The following B3GALT1 variants were observed in gnomAD, a reference collection of about 807,000 sequenced individuals.
The protein encoded by B3GALT1 is beta-1,3-galactosyltransferase 1.
Under a neutral mutation model 23.2 loss-of-function variants are expected in B3GALT1, and 10 were observed. The ratio of observed to expected loss-of-function variants is 0.43; its 90% CI spans 0.27 to 0.73. B3GALT1 has a LOEUF of 0.73. Ranked by LOEUF, B3GALT1 falls within the 30% of genes least tolerant of loss-of-function variation. The probability of loss-of-function intolerance (pLI) is 0.21; values close to 1 mark genes in which losing one functional copy is unlikely to be tolerated. For missense variants in B3GALT1, 299 were observed against 405.4 expected, an observed-to-expected ratio of 0.74 and a Z score of 2.25; for synonymous variants, 156 against 141.5, an observed-to-expected ratio of 1.10 and a Z score of -0.73.
chr2:167,348,885 CTATTA>C (rs960304385), intron 1 of B3GALT1, among the ~76,000 whole-genome samples: 4 of 151,968 alleles, frequency 2.6e-5, no homozygotes, highest in South Asian at 2.1e-4. Context: ...CTTATCTTTT[CTATTA>C]TATTATAGTA....
At chr2:167,819,478 A>G (rs1170411532) in intron 4 of B3GALT1, among the ~76,000 whole-genome samples, 2 of 152,238 alleles carry the variant, frequency 1.3e-5, no homozygotes. Flanking sequence ...ATGGCACATT[A>G]AATAAATAAA....
chr2:167,794,598 T>C (rs1327462936), intron 3 of B3GALT1, among the ~76,000 whole-genome samples: 2 of 152,218 alleles, frequency 1.3e-5, no homozygotes, highest in Non-Finnish European at 2.9e-5. Flanking sequence ...ATACCCGTTA[T>C]TTTCCTCAAC....
intron 4 of B3GALT1, among the ~76,000 whole-genome samples, chr2:167,860,132 G>T (rs1377274862): frequency 6.6e-6 from 1 of 152,130 alleles, no homozygotes; most frequent in Non-Finnish European, 1.5e-5. Flanking sequence ...AGAATCTCTG[G>T]CCCTTGGGGC....
intron 2 of B3GALT1, among the ~76,000 whole-genome samples, chr2:167,524,767 C>T (rs1574118614): frequency 6.6e-6 from 1 of 152,180 alleles, no homozygotes; most frequent in South Asian, 2.1e-4. Context: ...AGAGAGAAAG[C>T]TCACAAGTAT....
chr2:167,504,358 T>C (rs902810943), intron 2 of B3GALT1, among the ~76,000 whole-genome samples: 1 of 152,168 alleles, frequency 6.6e-6, no homozygotes, highest in Admixed American at 6.5e-5. Context: ...GATTACATAG[T>C]GTATGCAATT....
At position 167,598,931 on chromosome 2, in the gene B3GALT1, CTCTT is replaced by C. The variant is rs879718180; in HGVS notation, c.-409-47972_-409-47969del. On this transcript the variant is annotated intron_variant, in intron 2 of 4. Coordinates refer to ENST00000392690, the MANE Select transcript of B3GALT1 (RefSeq NM_020981.4). Reference sequence around the variant, plus strand: ...CTTTCTTTACTATTTTCATTCTATTCTCTTTCTTTATCTTTTAGACTGTCCAGTA... The same window carrying C: ...CTTTCTTTACTATTTTCATTCTATTCTCTTTATCTTTTAGACTGTCCAGTA... Among the ~76,000 whole-genome samples, 20 of 152,260 alleles carry C rather than the reference CTCTT, an allele frequency of 1.3e-4. No homozygotes were observed. The East Asian group carries it at 1.5e-3, about 12-fold the overall frequency.
chr2:167,627,811 A>G (rs976988708), intron 2 of B3GALT1, among the ~76,000 whole-genome samples: 3 of 151,660 alleles, frequency 2.0e-5, no homozygotes, highest in Non-Finnish European at 3.0e-5. Context: ...TGAAAGTTCT[A>G]GTTGTTCTAC....
At chr2:167,501,241 G>C (rs1294956886) in intron 2 of B3GALT1, among the ~76,000 whole-genome samples, 1 of 152,162 alleles carries the variant, frequency 6.6e-6, no homozygotes, top group East Asian at 1.9e-4. Context: ...ATTTTTATTA[G>C]TATGATTGGG....
chr2:167,357,467 T>G (rs1402686426), intron 1 of B3GALT1, among the ~76,000 whole-genome samples: 3 of 152,128 alleles, frequency 2.0e-5, no homozygotes, highest in African/African-American at 7.2e-5. Flanking sequence ...TTGTCTTAGC[T>G]TACTCCAAAA....
At chr2:167,666,226 G>A (rs946364896) in intron 3 of B3GALT1, among the ~76,000 whole-genome samples, 4 of 152,238 alleles carry the variant, frequency 2.6e-5, no homozygotes, top group Non-Finnish European at 4.4e-5. Context: ...TCCTTCAGGT[G>A]TAGGTTGTTC....
intron 1 of B3GALT1, among the ~76,000 whole-genome samples, chr2:167,421,743 CA>C (rs1214443516): frequency 6.6e-6 from 1 of 152,058 alleles, no homozygotes; most frequent in South Asian, 2.1e-4. Flanking sequence ...AAAAAGTGGC[CA>C]AAAGATGATG....
chr2:167,690,429 T>C (rs1269426001), intron 3 of B3GALT1, among the ~76,000 whole-genome samples: 1 of 152,024 alleles, frequency 6.6e-6, no homozygotes, highest in Admixed American at 6.6e-5. Flanking sequence ...GAAAGTGAAG[T>C]AATATTTATT....
chr2:167,796,940 A>G (rs1688554910), intron 3 of B3GALT1, among the ~76,000 whole-genome samples: 1 of 152,088 alleles, frequency 6.6e-6, no homozygotes, highest in African/African-American at 2.4e-5. Context: ...CTGCAGGAAC[A>G]TTTTCTTTTC....
At chr2:167,674,256 G>A (rs986192466) in intron 3 of B3GALT1, among the ~76,000 whole-genome samples, 3 of 152,098 alleles carry the variant, frequency 2.0e-5, no homozygotes, top group Non-Finnish European at 4.4e-5. Context: ...ACCCATTAGA[G>A]TTATAAAGCA....
intron 1 of B3GALT1, among the ~76,000 whole-genome samples, chr2:167,451,997 G>A (rs1699100165): frequency 6.6e-6 from 1 of 152,132 alleles, no homozygotes; most frequent in Admixed American, 6.5e-5. Context: ...CACCTCCCAT[G>A]GAGCCCAAGA....
chr2:167,626,807 A>T (rs11883712), intron 2 of B3GALT1, among the ~76,000 whole-genome samples: 1 of 151,462 alleles, frequency 6.6e-6, no homozygotes, highest in Non-Finnish European at 1.5e-5. Flanking sequence ...TAAATATTCA[A>T]TTAAGCATCT....
At chr2:167,297,261 C>A (rs1343802353) in intron 1 of B3GALT1, among the ~76,000 whole-genome samples, 4 of 151,944 alleles carry the variant, frequency 2.6e-5, no homozygotes, top group Non-Finnish European at 1.5e-5. Flanking sequence ...AAAGTCAAAT[C>A]TACAGAACTT....
chr2:167,811,668 G>T (rs1688891826), intron 3 of B3GALT1, among the ~76,000 whole-genome samples: 1 of 147,362 alleles, frequency 6.8e-6, no homozygotes, highest in African/African-American at 2.6e-5. Flanking sequence ...ATTGATTAAG[G>T]GCAAAGGGTG....
At chr2:167,808,121 C>T (rs1238516316) in intron 3 of B3GALT1, among the ~76,000 whole-genome samples, 13 of 151,712 alleles carry the variant, frequency 8.6e-5, no homozygotes, top group Admixed American at 7.2e-4. Flanking sequence ...ACTAGGATTG[C>T]AACCCCTGCC....
Sources: gnomAD v4.1 joint callset for allele counts (sites outside exome capture counted in the v4.1 genomes callset) on GRCh38, gnomAD v4.1.1 for gene constraint, MANE v1.5 for transcripts, NCBI Gene and HGNC (gene_info 2026-07-23, HGNC 2026-07-21) for gene names.